The following NPY2R variants were observed in gnomAD, a reference collection of about 807,000 sequenced individuals.
NPY2R encodes neuropeptide Y receptor Y2, also known as neuropeptide Y receptor type 2.
In NPY2R, 17 loss-of-function variants were observed where a neutral mutation model predicts 22.3. The ratio of observed to expected loss-of-function variants is 0.76; its 90% CI spans 0.52 to 1.14. The LOEUF (loss-of-function observed/expected upper bound fraction) is 1.14. NPY2R is among the 50% of genes most tolerant of loss of function. The pLI, the probability that NPY2R is intolerant of heterozygous loss-of-function variation, is 0.00. For synonymous variants in NPY2R, 209 were observed against 183.4 expected (o/e 1.14, Z -1.13); for missense variants, 424 against 467.9 (o/e 0.91, Z 0.87).
the NPY2R span, among the ~76,000 whole-genome samples, chr4:155,198,501 T>G: frequency 6.8e-6 from 1 of 146,670 alleles, no homozygotes; most frequent in Admixed American, 6.9e-5. Flanking sequence ...CTACATATTT[T>G]TATATATCAA....
chr4:155,192,447 C>A, the NPY2R span, among the ~76,000 whole-genome samples: 1 of 151,776 alleles, frequency 6.6e-6, no homozygotes, highest in African/African-American at 2.4e-5. Flanking sequence ...CTAATCATTG[C>A]ACAGGATAAT....
the NPY2R span, among the ~76,000 whole-genome samples, chr4:155,187,513 T>C: frequency 3.3e-5 from 5 of 151,912 alleles, no homozygotes. Flanking sequence ...CCTAGAGAAG[T>C]GCAGAGGTAA....
intron 1 of NPY2R, among the ~76,000 whole-genome samples, chr4:155,210,046 A>G (rs946111398): frequency 4.6e-5 from 7 of 152,200 alleles, no homozygotes; most frequent in African/African-American, 1.7e-4. Context: ...TTGTACCAGT[A>G]AAAGTTCTCT....
upstream of NPY2R, among the ~76,000 whole-genome samples, chr4:155,205,153 C>T (rs1406264509): frequency 6.6e-6 from 1 of 152,138 alleles, no homozygotes; most frequent in Non-Finnish European, 1.5e-5. Flanking sequence ...AATTTCAGTT[C>T]TTCAGTTGCA....
At chr4:155,199,255 A>C in the NPY2R span, among the ~76,000 whole-genome samples, 1 of 151,844 alleles carries the variant, frequency 6.6e-6, no homozygotes, top group Non-Finnish European at 1.5e-5. Flanking sequence ...GTGTGTATTG[A>C]ACAAACAAAC....
intron 1 of NPY2R, 29 bp downstream of exon 1, chr4:155,209,098 T>C (rs1242650366): frequency 6.6e-6 from 1 of 152,182 alleles, no homozygotes; most frequent in Non-Finnish European, 1.5e-5. Flanking sequence ...TCTGATCACC[T>C]CCTGGGAACA....
chr4:155,208,232 C>T (rs553796071), upstream of NPY2R: 10 of 152,426 alleles, frequency 6.6e-5, no homozygotes, highest in African/African-American at 1.9e-4. The surrounding 1 kb of genome is among the most constrained non-coding windows in gnomAD (Gnocchi z 5.6). Context: ...TTTCTCAGCC[C>T]CTACGAGGCG....
At chr4:155,213,680 T>C (rs1729449422) in intron 1 of NPY2R, among the ~76,000 whole-genome samples, 1 of 152,238 alleles carries the variant, frequency 6.6e-6, no homozygotes, top group Non-Finnish European at 1.5e-5. Context: ...AAACCTGATT[T>C]AATTGATCCA....
rs1466814957 is a variant in NPY2R at position 155,215,509 on chromosome 4, C to T, written c.*424C>T. 1 of 230,344 alleles carries T rather than the reference C, an allele frequency of 4.3e-6. No homozygotes were observed. Among genetic ancestry groups the T allele is most frequent in the African/African-American group, 2.3e-5 (1 of 43,124 alleles). The allele number at this position is 230,344 out of a possible 1,614,324, so 14.3% of individuals were successfully genotyped here. Reference sequence around the variant, plus strand: ...GCTCCCTGCTTGGCTTATGAAAACACCACTGAACAGAAATTTCTCCAGGGA... The same window carrying T: ...GCTCCCTGCTTGGCTTATGAAAACATCACTGAACAGAAATTTCTCCAGGGA... On this transcript the variant is annotated 3_prime_UTR_variant, in exon 2 of 2. Coordinates refer to ENST00000329476, the MANE Select transcript of NPY2R (RefSeq NM_000910.4).
In NPY2R at chr4:155,215,315, G is replaced by A. The variant is rs1272074382; in HGVS notation, c.*230G>A. 1 of 613,482 alleles carries A rather than the reference G, an allele frequency of 1.6e-6. No individual in the cohort carries two copies. The highest frequency in any genetic ancestry group is 2.0e-5 in the South Asian group (1 of 50,732). 38.0% of individuals were successfully genotyped at this position (613,482 alleles called of 1,614,324 possible). On this transcript the variant is annotated 3_prime_UTR_variant, in exon 2 of 2. Coordinates refer to ENST00000329476, the MANE Select transcript of NPY2R (RefSeq NM_000910.4). Reference sequence around the variant, plus strand: ...TTACTTAACAGTTGGTTGGGTAGTAGGTTGCATTATGAGTAAAAGCAGAGA... The same window carrying A: ...TTACTTAACAGTTGGTTGGGTAGTAAGTTGCATTATGAGTAAAAGCAGAGA...
chr4:155,196,063 C>A, the NPY2R span, among the ~76,000 whole-genome samples: 1 of 151,978 alleles, frequency 6.6e-6, no homozygotes, highest in Non-Finnish European at 1.5e-5. Context: ...ATCATAAATG[C>A]ATTGCCCATG....
At chr4:155,203,481 A>G in the NPY2R span, among the ~76,000 whole-genome samples, 2 of 152,198 alleles carry the variant, frequency 1.3e-5, no homozygotes, top group African/African-American at 4.8e-5. Flanking sequence ...TTTTTTTAAA[A>G]AGACTATTTT....
chr4:155,212,639 A>G (rs1176496867), intron 1 of NPY2R, among the ~76,000 whole-genome samples: 1 of 152,220 alleles, frequency 6.6e-6, no homozygotes. Flanking sequence ...ATTAATAAAT[A>G]AAAGCAAAAG....
the NPY2R span, among the ~76,000 whole-genome samples, chr4:155,197,006 C>T: frequency 3.2e-3 from 486 of 151,964 alleles, 8 homozygotes; most frequent in Admixed American, 0.029. Context: ...AGAAATTTTA[C>T]ATAATATATA....
chr4:155,189,702 C>T, the NPY2R span, among the ~76,000 whole-genome samples: 1 of 151,836 alleles, frequency 6.6e-6, no homozygotes, highest in African/African-American at 2.4e-5. Flanking sequence ...GCCCTAGTTG[C>T]TTATAAAATG....
intron 1 of NPY2R, among the ~76,000 whole-genome samples, chr4:155,212,047 G>C (rs924386104): frequency 2.0e-5 from 3 of 152,214 alleles, no homozygotes; most frequent in African/African-American, 7.2e-5. Context: ...CTGTGGTACA[G>C]AGCAGAACAG....
chr4:155,216,939 ATGT>A lies in NPY2R; in HGVS notation c.*1858_*1860del, dbSNP rs923893201. The stretch of plus-strand genomic sequence containing the variant: ...AGAAATGTATATGCTACTGTGTTAC[ATGT>A]TGTATTAGTAAATTATTAGAATCCA... On this transcript the variant is annotated 3_prime_UTR_variant, in exon 2 of 2. Transcript: ENST00000329476. The A allele has an allele frequency of 9.0e-5, 15 of 167,092 alleles. No homozygotes were observed. The Admixed American group carries it at 9.8e-4, about 11-fold the overall frequency. The allele number at this position is 167,092 out of a possible 1,614,324, so 10.4% of individuals were successfully genotyped here.
At chr4:155,195,028 A>T in the NPY2R span, among the ~76,000 whole-genome samples, 1 of 151,918 alleles carries the variant, frequency 6.6e-6, no homozygotes. Context: ...GGTCATGTGT[A>T]TGTCTTCTAA....
At chr4:155,200,820 A>C in the NPY2R span, among the ~76,000 whole-genome samples, 1 of 152,222 alleles carries the variant, frequency 6.6e-6, no homozygotes, top group African/African-American at 2.4e-5. Context: ...ACATGGACAC[A>C]GGGAGGGGAA....
Sources: allele counts gnomAD v4.1 joint callset (sites outside exome capture counted in the v4.1 genomes callset), GRCh38; gene constraint gnomAD v4.1.1; non-coding constraint Gnocchi (gnomAD v3.1); transcripts MANE v1.5; gene names NCBI Gene and HGNC (gene_info 2026-07-23, HGNC 2026-07-21).